Variants in NSMCE2 observed in about 807,000 individuals in gnomAD.
NSMCE2 encodes E3 SUMO-protein ligase NSE2.
In NSMCE2, 24 loss-of-function variants were observed where a neutral mutation model predicts 23.8. That is an observed-to-expected ratio of 1.01 (90% CI 0.73 to 1.42). NSMCE2 has a LOEUF of 1.42. Ranked by LOEUF, NSMCE2 falls within the 40% of genes most tolerant of loss-of-function variation. The pLI, the probability that NSMCE2 is intolerant of heterozygous loss-of-function variation, is 0.00. For missense variants in NSMCE2, 284 were observed against 296.5 expected, an observed-to-expected ratio of 0.96 and a Z score of 0.31; for synonymous variants, 92 against 94.1, an observed-to-expected ratio of 0.98 and a Z score of 0.13.
intron 3 of NSMCE2, among the ~76,000 whole-genome samples, chr8:125,119,690 ACAT>A (rs1237974171): frequency 6.6e-6 from 1 of 152,196 alleles, no homozygotes; most frequent in Non-Finnish European, 1.5e-5. Flanking sequence ...TATTTTTGAG[ACAT>A]CAGATTCCTT....
Position 125,268,967 on chromosome 8 carries a change from A to C in NSMCE2, c.418+86711A>C, listed in dbSNP as rs116988888. Among the ~76,000 whole-genome samples, 572 of 152,344 alleles carry C rather than the reference A, an allele frequency of 3.8e-3. 1 individual carries two copies. The highest frequency in any genetic ancestry group is 5.6e-3 in the Non-Finnish European group (378 of 68,022). On this transcript the variant is annotated intron_variant, in intron 5 of 7. Transcript: ENST00000287437. ...ATTGGGGAAGAGATCATGACTTTTT[A>C]AAAAATATATTGTTTAGTTTCTTGA...
At chr8:125,145,426 G>C (rs2130646491) in intron 3 of NSMCE2, among the ~76,000 whole-genome samples, 1 of 152,230 alleles carries the variant, frequency 6.6e-6, no homozygotes, top group Middle Eastern at 3.4e-3. Context: ...CTAACTTCTT[G>C]CAACAGTTTC....
intron 4 of NSMCE2, among the ~76,000 whole-genome samples, chr8:125,172,562 G>A (rs528484970): frequency 2.1e-4 from 32 of 152,296 alleles, no homozygotes; most frequent in African/African-American, 7.2e-4. Context: ...ACCAGGTACC[G>A]TTTCCAGCTT....
At chr8:125,119,505 A>G (rs1465352889) in intron 3 of NSMCE2, among the ~76,000 whole-genome samples, 1 of 152,220 alleles carries the variant, frequency 6.6e-6, no homozygotes. Flanking sequence ...TCAGTGGCCT[A>G]ACAGGGTTTG....
chr8:125,214,524 A>C (rs1056025510), intron 5 of NSMCE2, among the ~76,000 whole-genome samples: 1 of 152,190 alleles, frequency 6.6e-6, no homozygotes, highest in Non-Finnish European at 1.5e-5. Flanking sequence ...GGAGTTTGCC[A>C]CAGACCAACC....
In NSMCE2 at chr8:125,211,629, G is replaced by A. The variant is rs1212584031; in HGVS notation, c.418+29373G>A. 5.3e-5 allele frequency among the ~76,000 whole-genome samples: 8 copies of A among 152,142 alleles called. 1 individual carries two copies. The highest frequency in any genetic ancestry group is 1.0e-4 in the Non-Finnish European group (7 of 68,030). On this transcript the variant is annotated intron_variant, in intron 5 of 7. Transcript: ENST00000287437. ...GTGGGATTACTGAGTCAAAGGAGAC[G>A]TGAATTTTTAGATTTTTACTATGAA...
chr8:125,145,993 A>G lies in NSMCE2; in HGVS notation c.158-5178A>G, dbSNP rs529335895. Among the ~76,000 whole-genome samples, 3 of 152,352 alleles carry G rather than the reference A, an allele frequency of 2.0e-5. No homozygotes were observed. The South Asian group carries it at 6.2e-4, about 32-fold the overall frequency. On this transcript the variant is annotated intron_variant, in intron 3 of 7. Transcript: ENST00000287437. ...TCACTTTTCACCAATATTAAAACTTATTAATCTTCAAAAAGGGGAAAAATA... is the reference window on the plus strand; with the variant it reads ...TCACTTTTCACCAATATTAAAACTTGTTAATCTTCAAAAAGGGGAAAAATA...
chr8:125,207,308 C>T (rs949893055), intron 5 of NSMCE2, among the ~76,000 whole-genome samples: 2 of 151,902 alleles, frequency 1.3e-5, no homozygotes, highest in African/African-American at 4.8e-5. Context: ...AGGAAACACA[C>T]TGTGTAGTTT....
chr8:125,251,091 G>A (rs1826181992), intron 5 of NSMCE2, among the ~76,000 whole-genome samples: 1 of 152,122 alleles, frequency 6.6e-6, no homozygotes, highest in African/African-American at 2.4e-5. Flanking sequence ...ATTTTTATGT[G>A]TGTGTTTAAA....
intron 4 of NSMCE2, among the ~76,000 whole-genome samples, chr8:125,156,508 G>T (rs554623584): frequency 7.9e-5 from 12 of 152,216 alleles, no homozygotes; most frequent in African/African-American, 2.9e-4. Flanking sequence ...CTAGAAGCCT[G>T]GTGAGGGAGA....
chr8:125,251,551 C>G (rs1034853284), intron 5 of NSMCE2, among the ~76,000 whole-genome samples: 40 of 152,058 alleles, frequency 2.6e-4, no homozygotes, highest in African/African-American at 9.4e-4. Flanking sequence ...TGAGTGAGAG[C>G]TAGAAAATAG....
chr8:125,188,565 A>AAAAT (rs1823210526), intron 5 of NSMCE2, among the ~76,000 whole-genome samples: 1 of 152,194 alleles, frequency 6.6e-6, no homozygotes, highest in African/African-American at 2.4e-5. Context: ...TTTTTCAGTT[A>AAAAT]CTAGATTTTA....
intron 5 of NSMCE2, among the ~76,000 whole-genome samples, chr8:125,198,457 T>G (rs901942457): frequency 2.0e-5 from 3 of 152,252 alleles, no homozygotes; most frequent in Non-Finnish European, 4.4e-5. Flanking sequence ...ATGTGGTTTT[T>G]GTCATTGGTT....
intron 5 of NSMCE2, among the ~76,000 whole-genome samples, chr8:125,256,439 G>A (rs1459895413): frequency 6.6e-6 from 1 of 152,196 alleles, no homozygotes; most frequent in Non-Finnish European, 1.5e-5. Context: ...AAGCTAGAGA[G>A]TACAGCTTTG....
chr8:125,243,175 A>G (rs968065863), intron 5 of NSMCE2, among the ~76,000 whole-genome samples: 6 of 152,224 alleles, frequency 3.9e-5, no homozygotes, highest in African/African-American at 1.4e-4. Context: ...TCAAATATAC[A>G]ATTGTAATAG....
At chr8:125,263,155 G>A (rs1826769149) in intron 5 of NSMCE2, among the ~76,000 whole-genome samples, 1 of 152,210 alleles carries the variant, frequency 6.6e-6, no homozygotes. Context: ...CTCAGATTAA[G>A]GGAGCAGAGA....
At chr8:125,133,302 T>A (rs185338753) in intron 3 of NSMCE2, among the ~76,000 whole-genome samples, 144 of 152,314 alleles carry the variant, frequency 9.5e-4, no homozygotes, top group African/African-American at 3.2e-3. Context: ...CAAACATTTT[T>A]ATGGAATGCT....
chr8:125,215,415 C>T (rs1360269958), intron 5 of NSMCE2, among the ~76,000 whole-genome samples: 1 of 151,680 alleles, frequency 6.6e-6, no homozygotes, highest in East Asian at 1.9e-4. Context: ...TGTATATATG[C>T]CACATTTTCT....
chr8:125,297,651 T>G (rs1209684153), intron 5 of NSMCE2, among the ~76,000 whole-genome samples: 1 of 147,926 alleles, frequency 6.8e-6, no homozygotes, highest in African/African-American at 2.5e-5. Flanking sequence ...GGCAACAAAG[T>G]GAGACCTTGT....
Sources: allele counts gnomAD v4.1 joint callset (sites outside exome capture counted in the v4.1 genomes callset), GRCh38; gene constraint gnomAD v4.1.1; transcripts MANE v1.5; gene names NCBI Gene and HGNC (gene_info 2026-07-23, HGNC 2026-07-21).